The following STK10 variants were observed in gnomAD, a reference collection of about 807,000 sequenced individuals.
The protein encoded by STK10 is serine/threonine-protein kinase 10.
In STK10, 78 loss-of-function variants were observed where a neutral mutation model predicts 113.8. The observed-to-expected ratio is 0.69, with a 90% CI of 0.57 to 0.83. STK10 has a LOEUF of 0.83. STK10 is among the 40% of genes least tolerant of loss of function. The pLI, the probability that STK10 is intolerant of heterozygous loss-of-function variation, is 0.00. For missense variants in STK10, 1,109 were observed against 1,280.1 expected (o/e 0.87, Z 2.04); for synonymous variants, 465 against 494.7 (o/e 0.94, Z 0.80).
At chr5:172,121,794 T>C (rs994626986) in intron 3 of STK10, among the ~76,000 whole-genome samples, 2 of 152,152 alleles carry the variant, frequency 1.3e-5, no homozygotes, top group Non-Finnish European at 2.9e-5. Flanking sequence ...CTTGGACTCC[T>C]AGCTGCAAGC....
intron 4 of STK10, 140 bp from the exon 5 acceptor site, chr5:172,107,992 TA>T: frequency 1.5e-6 from 1 of 667,486 alleles, no homozygotes; most frequent in Non-Finnish European, 2.6e-6. Flanking sequence ...ATTAAAAATG[TA>T]AGACTATCTG....
chr5:172,106,718 C>T lies in STK10; in HGVS notation c.690G>A (p.Met230Ile), dbSNP rs1237404193. The change falls in exon 6 of 19, where the codon ATG becomes ATA. Residue 230 changes from methionine (M) to isoleucine (I), a missense_variant. Around this residue, in one of 5 missense-constraint regions of STK10, gnomAD observed 885 missense variants for 991.1 expected, o/e 0.89. Coordinates refer to ENST00000176763, the MANE Select transcript of STK10 (RefSeq NM_005990.4). ...CGTGGTGTGGCGGCTCGATCTGGGC[C>T]ATCTCAATCAGCGTGATGCCCAGGG... ...IWSLGITLIE[M>I]AQIEPPHHEL... is the part of the protein sequence containing the mutation. The T allele has an allele frequency of 1.9e-6, 3 of 1,614,170 alleles. No homozygotes were observed. The highest frequency in any genetic ancestry group is 2.2e-5 in the South Asian group (2 of 91,086).
intron 14 of STK10, among the ~76,000 whole-genome samples, 156 bp from the exon 15 acceptor site, chr5:172,057,629 T>C (rs1445898341): frequency 1.9e-4 from 29 of 152,204 alleles, no homozygotes; most frequent in Non-Finnish European, 2.9e-5. Context: ...TTAGACCATG[T>C]TGGCTGATCT....
intron 18 of STK10, chr5:172,045,282 A>C (rs544710893): frequency 1.6e-6 from 1 of 613,470 alleles, no homozygotes; most frequent in East Asian, 3.3e-5. Context: ...TAGACGGGGC[A>C]GGGAGGAAAA....
intron 1 of STK10, among the ~76,000 whole-genome samples, chr5:172,186,621 CA>C (rs1017962919): frequency 2.1e-5 from 3 of 146,036 alleles, no homozygotes; most frequent in Admixed American, 6.9e-5. Context: ...AACCCTGTCT[CA>C]AAAAAAAGAA....
chr5:172,082,862 T>C lies in STK10; in HGVS notation c.1809+99A>G. The C allele has an allele frequency of 6.5e-7, 1 of 1,529,414 alleles. No homozygotes were observed. 94.7% of individuals were successfully genotyped at this position (1,529,414 alleles called of 1,614,324 possible). On this transcript the variant is annotated intron_variant, in intron 11 of 18. Coordinates refer to ENST00000176763, the MANE Select transcript of STK10 (RefSeq NM_005990.4). The surrounding 1 kb of genome is among the most constrained non-coding windows in gnomAD (Gnocchi z 4.3). The stretch of plus-strand genomic sequence containing the variant: ...CCAGGAATTGGGCAATTGTTGTGAA[T>C]TACTCTCCACTACCCAATCATTCCC...
intron 1 of STK10, among the ~76,000 whole-genome samples, chr5:172,182,550 ATT>A (rs774193068): frequency 2.8e-5 from 3 of 107,490 alleles, no homozygotes; most frequent in Admixed American, 9.7e-5. Context: ...TGCCCAGCTC[ATT>A]TTTTTTTTTT....
At chr5:172,181,566 T>C (rs1770856257) in intron 1 of STK10, among the ~76,000 whole-genome samples, 1 of 147,134 alleles carries the variant, frequency 6.8e-6, no homozygotes, top group South Asian at 2.4e-4. Context: ...CACTGCAACC[T>C]CCACCTCCCA....
rs972930773 is a variant in STK10 at position 172,188,221 on chromosome 5, G to C, written c.-179C>G. On this transcript the variant is annotated 5_prime_UTR_variant, in exon 1 of 19. Transcript: ENST00000176763. The surrounding 1 kb of genome is among the most constrained non-coding windows in gnomAD (Gnocchi z 5.6). ...TGTGCCCTGGGCAGCGCCGCGCCGG[G>C]AGCACCCGGAACCGCGCAGGCGGCG... 2.3e-5 allele frequency: 25 copies of C among 1,108,742 alleles called. No individual in the cohort carries two copies. The Admixed American group carries it at 3.9e-4, about 17-fold the overall frequency. 68.7% of individuals were successfully genotyped at this position (1,108,742 alleles called of 1,614,324 possible). A position where few individuals can be genotyped will look rare whatever the true frequency, so the allele number is the denominator to read the frequency against.
Position 172,117,540 on chromosome 5 carries a change from AT to A in STK10, c.460del (p.Ile154SerfsTer5), listed in dbSNP as rs1769414623. On this transcript the variant is annotated frameshift_variant, in exon 4 of 19. Transcript: ENST00000176763. LOFTEE classifies it high-confidence loss of function. Reference sequence around the variant, plus strand: ...GTTGCCAGCTTTCAGATCTCGGTGGATGATCCTCTTGCTGTGCAGGAAGTTG... The same window carrying A: ...GTTGCCAGCTTTCAGATCTCGGTGGAGATCCTCTTGCTGTGCAGGAAGTTG... ...ALNFLHSKRIIHRDLKAGNVL... is the reference protein window; with the variant it reads ...ALNFLHSKRIXHRDLKAGNVL... 6.2e-7 allele frequency: 1 copy of A among 1,611,658 alleles called. No individual in the cohort carries two copies. Among genetic ancestry groups the A allele is most frequent in the Non-Finnish European group, 8.5e-7 (1 of 1,179,342 alleles).
intron 17 of STK10, 22 bp downstream of exon 17, chr5:172,054,547 G>A (rs749157882): frequency 1.9e-6 from 3 of 1,599,776 alleles, no homozygotes; most frequent in African/African-American, 1.3e-5. Context: ...GGGGGCAGGG[G>A]CAGGGGCAGG....
chr5:172,173,508 C>T (rs1770697581), intron 1 of STK10, among the ~76,000 whole-genome samples: 1 of 152,164 alleles, frequency 6.6e-6, no homozygotes, highest in Non-Finnish European at 1.5e-5. Context: ...ACAAATGCTC[C>T]ACTTCTGGTG....
intron 2 of STK10, among the ~76,000 whole-genome samples, chr5:172,151,244 A>C (rs367980625): frequency 6.6e-6 from 1 of 152,324 alleles, no homozygotes; most frequent in East Asian, 1.9e-4. Flanking sequence ...ACAAGGACAG[A>C]AGGAATTGGC....
intron 2 of STK10, among the ~76,000 whole-genome samples, chr5:172,141,329 C>A (rs954092291): frequency 6.6e-6 from 1 of 152,158 alleles, no homozygotes; most frequent in Non-Finnish European, 1.5e-5. Flanking sequence ...GTAATCCCAG[C>A]ACTTTGGGAG....
intron 15 of STK10, chr5:172,056,930 GA>G (rs1374532502): frequency 9.1e-6 from 1 of 109,718 alleles, no homozygotes; most frequent in Admixed American, 1.0e-4. Flanking sequence ...AGGAAGGAAG[GA>G]AAGAAAAGAA....
chr5:172,172,819 AAAAT>A (rs966970479), intron 1 of STK10, among the ~76,000 whole-genome samples: 3 of 152,060 alleles, frequency 2.0e-5, no homozygotes, highest in Admixed American at 1.3e-4. Flanking sequence ...GTCTCTACTA[AAAAT>A]ACAAAAATTA....
intron 2 of STK10, among the ~76,000 whole-genome samples, chr5:172,131,174 C>T (rs1769748149): frequency 6.6e-6 from 1 of 151,928 alleles, no homozygotes; most frequent in African/African-American, 2.4e-5. Context: ...GCTGGGACTA[C>T]AGGCGCCCGC....
intron 2 of STK10, among the ~76,000 whole-genome samples, chr5:172,142,725 G>A (rs1161533168): frequency 1.3e-5 from 2 of 152,172 alleles, no homozygotes; most frequent in South Asian, 2.1e-4. Flanking sequence ...AAATGTTATC[G>A]AGTATTACCA....
chr5:172,063,085 AT>A (rs1767970477), intron 13 of STK10, among the ~76,000 whole-genome samples: 1 of 152,178 alleles, frequency 6.6e-6, no homozygotes, highest in South Asian at 2.1e-4. Context: ...CCCTAACTCT[AT>A]TAAAAATACA....
Sources: allele counts gnomAD v4.1 joint callset (sites outside exome capture counted in the v4.1 genomes callset), GRCh38; gene constraint gnomAD v4.1.1; regional missense constraint gnomAD v4.1.1; non-coding constraint Gnocchi (gnomAD v3.1); transcripts MANE v1.5; gene names NCBI Gene and HGNC (gene_info 2026-07-23, HGNC 2026-07-21).